NPEPPS: variants seen among roughly 807,000 people sequenced by gnomAD.
The protein encoded by NPEPPS is aminopeptidase puromycin sensitive.
NPEPPS carries 14 observed loss-of-function variants against 115.5 expected under a neutral mutation model. The ratio of observed to expected loss-of-function variants is 0.12; its 90% CI spans 0.08 to 0.19. NPEPPS has a LOEUF of 0.19. NPEPPS is among the 10% of genes least tolerant of loss of function. The probability of loss-of-function intolerance (pLI) is 1.00; values close to 1 mark genes in which losing one functional copy is unlikely to be tolerated. For synonymous variants in NPEPPS, 285 were observed against 390.6 expected (o/e 0.73, Z 3.19); for missense variants, 523 against 1,110.8 (o/e 0.47, Z 7.52).
At chr17:47,550,316 T>A (rs1377534660) in intron 2 of NPEPPS, among the ~76,000 whole-genome samples, 3 of 146,730 alleles carry the variant, frequency 2.0e-5, no homozygotes, top group Non-Finnish European at 4.5e-5. Context: ...GAAAGACCTA[T>A]GGGCATGTGT....
chr17:47,602,637 CA>C (rs753076891), intron 15 of NPEPPS, among the ~76,000 whole-genome samples: 3,091 of 51,990 alleles, frequency 0.059, 41 homozygotes, highest in East Asian at 0.27. Flanking sequence ...GACGCCATCT[CA>C]AAAAAAAAAA....
At position 47,592,257 on chromosome 17, in the gene NPEPPS, G is replaced by A. The variant is rs529346037; in HGVS notation, c.1365+197G>A. ...TCTCTTAGATGAGTGATGTGCAGGTGTGTTTGGGAGTGGAAATGGGAGGCT... is the reference window on the plus strand; with the variant it reads ...TCTCTTAGATGAGTGATGTGCAGGTATGTTTGGGAGTGGAAATGGGAGGCT... On this transcript the variant is annotated intron_variant, in intron 11 of 22. Transcript: ENST00000322157. Among the ~76,000 whole-genome samples, 664 of 152,162 alleles carry A rather than the reference G, an allele frequency of 4.4e-3. 3 individuals carry two copies. Among genetic ancestry groups the A allele is most frequent in the African/African-American group, 0.015 (624 of 41,516 alleles).
At chr17:47,568,228 A>G (rs1242025631) in intron 2 of NPEPPS, among the ~76,000 whole-genome samples, 1 of 151,398 alleles carries the variant, frequency 6.6e-6, no homozygotes, top group Non-Finnish European at 1.5e-5. Flanking sequence ...CAGTGGCACA[A>G]TCTCGGCTCA....
In NPEPPS at chr17:47,591,745, C is replaced by T. The variant is rs535109620; in HGVS notation, c.1261-211C>T. On this transcript the variant is annotated intron_variant, in intron 10 of 22. Transcript: ENST00000322157. Reference sequence around the variant, plus strand: ...CAGCAGAACAAAGCCAGGACTGGAACCCAGGCTCTAAGGGATGACAGGAAT... The same window carrying T: ...CAGCAGAACAAAGCCAGGACTGGAATCCAGGCTCTAAGGGATGACAGGAAT... 59 of 445,676 alleles carry T rather than the reference C, an allele frequency of 1.3e-4. No individual in the cohort carries two copies. The South Asian group carries it at 2.1e-3, about 16-fold the overall frequency. The allele number at this position is 445,676 out of a possible 1,614,324, so 27.6% of individuals were successfully genotyped here.
chr17:47,575,232 C>A (rs942837413), intron 3 of NPEPPS, among the ~76,000 whole-genome samples: 8 of 152,174 alleles, frequency 5.3e-5, no homozygotes, highest in Admixed American at 5.2e-4. Flanking sequence ...CTATACCCTG[C>A]TTTTGTAAGC....
At chr17:47,551,904 GTTAACA>G (rs1909673676) in intron 2 of NPEPPS, among the ~76,000 whole-genome samples, 1 of 131,866 alleles carries the variant, frequency 7.6e-6, no homozygotes, top group South Asian at 2.7e-4. Context: ...TTTATATAGT[GTTAACA>G]TTAAGACAAA....
At chr17:47,528,970 A>G (rs1907546018), upstream of NPEPPS, among the ~76,000 whole-genome samples, 1 of 152,004 alleles carries the variant, frequency 6.6e-6, no homozygotes, top group Non-Finnish European at 1.5e-5. Flanking sequence ...ACATGTTGAA[A>G]TGATAATATT....
chr17:47,537,956 C>T (rs1172839631), intron 1 of NPEPPS, among the ~76,000 whole-genome samples: 2 of 149,248 alleles, frequency 1.3e-5, no homozygotes, highest in Admixed American at 1.3e-4. Flanking sequence ...TGCAGTGGCA[C>T]AATCTCGGCT....
chr17:47,542,600 A>T (rs1257759939), intron 1 of NPEPPS, among the ~76,000 whole-genome samples: 1 of 151,544 alleles, frequency 6.6e-6, no homozygotes, highest in African/African-American at 2.4e-5. Flanking sequence ...TAAACCTGCC[A>T]GTCACCATAG....
intron 2 of NPEPPS, among the ~76,000 whole-genome samples, chr17:47,564,088 A>G (rs1195410467): frequency 1.3e-5 from 2 of 151,732 alleles, no homozygotes; most frequent in Non-Finnish European, 2.9e-5. Flanking sequence ...GCACGCCACC[A>G]TGCCCTGCTA....
At chr17:47,616,741 C>T (rs1298808898) in intron 19 of NPEPPS, among the ~76,000 whole-genome samples, 1 of 140,864 alleles carries the variant, frequency 7.1e-6, no homozygotes, top group Non-Finnish European at 1.5e-5. Context: ...GCTGAGGTAA[C>T]ACCATTGCAC....
intron 17 of NPEPPS, among the ~76,000 whole-genome samples, chr17:47,607,444 T>G (rs899790021): frequency 2.6e-5 from 4 of 151,952 alleles, no homozygotes; most frequent in Non-Finnish European, 4.4e-5. Flanking sequence ...CAAGAATGAG[T>G]GGGAGAGGGC....
At chr17:47,523,885 T>G (rs968122683) in intron 1 of NPEPPS, among the ~76,000 whole-genome samples, 1 of 152,216 alleles carries the variant, frequency 6.6e-6, no homozygotes, top group Non-Finnish European at 1.5e-5. Context: ...ATATTGAAAC[T>G]ATTTCTTTTT....
At chr17:47,615,592 C>T (rs1914153046) in intron 19 of NPEPPS, among the ~76,000 whole-genome samples, 6 of 152,174 alleles carry the variant, frequency 3.9e-5, no homozygotes, top group Admixed American at 3.9e-4. Context: ...TTTGGGTTTA[C>T]TTTCCACCTG....
upstream of NPEPPS, among the ~76,000 whole-genome samples, chr17:47,530,269 C>A (rs1690608728): frequency 6.7e-6 from 1 of 148,922 alleles, no homozygotes; most frequent in Non-Finnish European, 1.5e-5. Context: ...AACATTAAAT[C>A]ATGGAAACAA....
At position 47,622,044 on chromosome 17, in the gene NPEPPS, T is replaced by C. The variant is rs930895920; in HGVS notation, c.*124T>C. 9.7e-6 allele frequency: 13 copies of C among 1,334,970 alleles called. No homozygotes were observed. The African/African-American group carries it at 1.9e-4, about 20-fold the overall frequency. The allele number at this position is 1,334,970 out of a possible 1,614,324, so 82.7% of individuals were successfully genotyped here. On this transcript the variant is annotated 3_prime_UTR_variant, in exon 23 of 23. Transcript: ENST00000322157. ...TTTCAAACCAGTGGGGGTTGGACAA[T>C]GAATGTAGTTAACTGGTTCCTGCTC...
chr17:47,528,092 A>C (rs1334230521), upstream of NPEPPS, among the ~76,000 whole-genome samples: 2 of 151,858 alleles, frequency 1.3e-5, no homozygotes, highest in Non-Finnish European at 2.9e-5. Context: ...ACCTGAGGTA[A>C]GGAGTTTGAG....
intron 9 of NPEPPS, among the ~76,000 whole-genome samples, chr17:47,589,071 A>G (rs1346212147): frequency 6.6e-6 from 1 of 152,210 alleles, no homozygotes; most frequent in Non-Finnish European, 1.5e-5. Flanking sequence ...GTGTGGCACC[A>G]TGCCCAGCTA....
Position 47,585,550 on chromosome 17 carries a change from G to A in NPEPPS, c.699G>A (p.Val233=). ...PYPDDENLVE[V]KFARTPVMST... is the part of the protein sequence containing the mutation. Reference sequence around the variant, plus strand: ...CTGATGATGAAAATTTAGTGGAAGTGAAGTTTGCCCGCACACCTGTTATGT... The same window carrying A: ...CTGATGATGAAAATTTAGTGGAAGTAAAGTTTGCCCGCACACCTGTTATGT... The change falls in exon 6 of 23, where the codon GTG becomes GTA. Residue 233 remains valine, a synonymous_variant. Transcript: ENST00000322157. 3.7e-6 allele frequency: 6 copies of A among 1,613,908 alleles called. No homozygotes were observed. The highest frequency in any genetic ancestry group is 5.1e-6 in the Non-Finnish European group (6 of 1,179,810).
Sources: gnomAD v4.1 joint callset for allele counts (sites outside exome capture counted in the v4.1 genomes callset) on GRCh38, gnomAD v4.1.1 for gene constraint, MANE v1.5 for transcripts, NCBI Gene and HGNC (gene_info 2026-07-23, HGNC 2026-07-21) for gene names.